ANKFY1: variants seen among roughly 807,000 people sequenced by gnomAD.
ANKFY1 encodes the protein ankyrin repeat and FYVE domain-containing protein 1.
ANKFY1 carries 47 observed loss-of-function variants against 128.3 expected under a neutral mutation model. The observed-to-expected ratio is 0.37, with a 90% CI of 0.29 to 0.47. The LOEUF (loss-of-function observed/expected upper bound fraction) is 0.47. Among genes scored for constraint, ANKFY1 ranks in the 20% least tolerant of loss-of-function variants. The pLI is 1.00. For missense variants in ANKFY1, 1,222 were observed against 1,510.6 expected (o/e 0.81, Z 3.17); for synonymous variants, 553 against 601.6 (o/e 0.92, Z 1.18).
intron 8 of ANKFY1, 33 bp downstream of exon 8, chr17:4,197,340 T>A: frequency 6.2e-7 from 1 of 1,609,170 alleles, no homozygotes; most frequent in Non-Finnish European, 8.5e-7. Context: ...CTGAGAACAG[T>A]GCTAAGGGCA....
chr17:4,169,295 C>A lies in ANKFY1; in HGVS notation c.3287-7G>T. On this transcript the variant is annotated splice_region_variant and splice_polypyrimidine_tract_variant and intron_variant, in intron 23 of 24. Transcript: ENST00000341657. The surrounding 1 kb of genome is among the most constrained non-coding windows in gnomAD (Gnocchi z 5.0). ...GGCTCCTTGGACAGCATATCTGCAA[C>A]ACAGGGGGGAGGCCCGGTCCCGTCA... The A allele has an allele frequency of 2.6e-6, 4 of 1,544,360 alleles. No individual in the cohort carries two copies. The highest frequency in any genetic ancestry group is 1.8e-6 in the Non-Finnish European group (2 of 1,142,258).
chr17:4,243,321 C>T (rs1043606344), intron 1 of ANKFY1, among the ~76,000 whole-genome samples: 5 of 152,080 alleles, frequency 3.3e-5, no homozygotes, highest in African/African-American at 4.8e-5. Context: ...CCACCTCGGC[C>T]TCCCAAAGTG....
Position 4,240,402 on chromosome 17 carries a change from A to ATTTT in ANKFY1, c.203+1850_203+1853dup, listed in dbSNP as rs1555637477. Among the ~76,000 whole-genome samples the ATTTT allele has an allele frequency of 6.4e-4, 95 of 149,554 alleles. 1 individual carries two copies. Among genetic ancestry groups the ATTTT allele is most frequent in the East Asian group, 2.0e-4 (1 of 5,042 alleles). On this transcript the variant is annotated intron_variant, in intron 2 of 24. Coordinates refer to ENST00000341657, the MANE Select transcript of ANKFY1 (RefSeq NM_001330063.2). ...TTAATCTTTATTTATTTATTTATTT[A>ATTTT]TTTTTTTAAGACAGGGTCTCTCTCT...
At chr17:4,217,810 C>T (rs896743329) in intron 3 of ANKFY1, among the ~76,000 whole-genome samples, 7 of 152,008 alleles carry the variant, frequency 4.6e-5, no homozygotes, top group Non-Finnish European at 1.0e-4. Context: ...CTCAGCCTCC[C>T]GAGTAGCTGG....
intron 10 of ANKFY1, among the ~76,000 whole-genome samples, chr17:4,194,103 A>ATATATATATATATTTTT (rs1555627694): frequency 9.2e-6 from 1 of 108,186 alleles, no homozygotes; most frequent in African/African-American, 4.9e-5. Flanking sequence ...ATATATATAT[A>ATATATATATATATTTTT]TTTTTTTTTT....
rs564464680 is a variant in ANKFY1 at position 4,240,651 on chromosome 17, C to G, written c.203+1605G>C. The stretch of plus-strand genomic sequence containing the variant: ...AGGTGATCCATCTGCCTCGGCCTCC[C>G]AAACTGCTGGGATTACAGGCATGCG... On this transcript the variant is annotated intron_variant, in intron 2 of 24. Coordinates refer to ENST00000341657, the MANE Select transcript of ANKFY1 (RefSeq NM_001330063.2). Among the ~76,000 whole-genome samples the G allele has an allele frequency of 3.3e-5, 5 of 152,346 alleles. No individual in the cohort carries two copies. The South Asian group carries it at 1.0e-3, about 32-fold the overall frequency.
chr17:4,196,144 TACACACAC>T (rs35005172), intron 8 of ANKFY1, among the ~76,000 whole-genome samples: 9,164 of 83,780 alleles, frequency 0.11, 551 homozygotes, highest in Admixed American at 0.19. Flanking sequence ...CTGCATCTAC[TACACACAC>T]ACACACACAC....
chr17:4,186,748 C>T, intron 11 of ANKFY1: 1 of 936,720 alleles, frequency 1.1e-6, no homozygotes, highest in Non-Finnish European at 1.3e-6. Flanking sequence ...GTCTTCTGTT[C>T]CAGACCTTCT....
At chr17:4,223,628 A>T (rs1413398925) in intron 3 of ANKFY1, 3 of 1,493,920 alleles carry the variant, frequency 2.0e-6, no homozygotes, top group Non-Finnish European at 2.8e-6. Flanking sequence ...TCTGGGCCAG[A>T]CGCCCTACAT....
intron 13 of ANKFY1, 64 bp downstream of exon 13, chr17:4,183,748 C>A: frequency 6.6e-7 from 1 of 1,521,314 alleles, no homozygotes; most frequent in Non-Finnish European, 9.1e-7. Context: ...TCCCTCTGTC[C>A]CACCCGGCCC....
Position 4,174,076 on chromosome 17 carries a change from G to C in ANKFY1, c.2776-20C>G, listed in dbSNP as rs375166319. 2.2e-5 allele frequency: 36 copies of C among 1,611,758 alleles called. No individual in the cohort carries two copies. Among genetic ancestry groups the C allele is most frequent in the Non-Finnish European group, 2.8e-5 (33 of 1,178,758 alleles). On this transcript the variant is annotated intron_variant, in intron 19 of 24. Transcript: ENST00000341657. The stretch of plus-strand genomic sequence containing the variant: ...AAGAAGCTGTTGAAGTTCATTACAT[G>C]AACAGTCAGTCTCTCTGCCACAATC...
At chr17:4,241,527 G>T (rs1199336964) in intron 2 of ANKFY1, among the ~76,000 whole-genome samples, 24 of 151,646 alleles carry the variant, frequency 1.6e-4, no homozygotes, top group East Asian at 2.0e-4. Flanking sequence ...GCCCACCTCG[G>T]CCTCCCAAAG....
intron 3 of ANKFY1, chr17:4,222,322 G>T: frequency 4.1e-6 from 3 of 735,716 alleles, no homozygotes; most frequent in South Asian, 2.8e-5. Flanking sequence ...TCTTGATGCA[G>T]AACTTTATTA....
chr17:4,196,606 C>A (rs1012018132), intron 8 of ANKFY1, among the ~76,000 whole-genome samples: 17 of 152,096 alleles, frequency 1.1e-4, no homozygotes, highest in African/African-American at 4.1e-4. Flanking sequence ...TGCAAAGGGC[C>A]GTGCTATGGA....
intron 7 of ANKFY1, among the ~76,000 whole-genome samples, chr17:4,200,632 C>T (rs772189960): frequency 4.6e-5 from 7 of 152,182 alleles, no homozygotes; most frequent in Non-Finnish European, 7.3e-5. Context: ...TGAGAGTTGA[C>T]TATACTCCTT....
chr17:4,212,632 C>T (rs1224257740), intron 4 of ANKFY1, among the ~76,000 whole-genome samples: 1 of 152,112 alleles, frequency 6.6e-6, no homozygotes, highest in Non-Finnish European at 1.5e-5. Flanking sequence ...TACTGTTAAC[C>T]ATAACTAGCT....
intron 4 of ANKFY1, among the ~76,000 whole-genome samples, chr17:4,214,585 G>A (rs2060189663): frequency 6.7e-6 from 1 of 150,168 alleles, no homozygotes; most frequent in Non-Finnish European, 1.5e-5. Context: ...GAGCAACAAG[G>A]CTCAATCCAG....
intron 3 of ANKFY1, among the ~76,000 whole-genome samples, chr17:4,226,206 G>A (rs1041019143): frequency 1.3e-5 from 2 of 152,140 alleles, no homozygotes; most frequent in African/African-American, 4.8e-5. Context: ...AATTATAGAT[G>A]TTACCACTCT....
chr17:4,182,108 G>A, intron 15 of ANKFY1, 73 bp downstream of exon 15: 8 of 1,324,052 alleles, frequency 6.0e-6, no homozygotes, highest in Non-Finnish European at 6.9e-6. Context: ...TGACAGCTAC[G>A]CAGGCAGCAG....
Sources: gnomAD v4.1 joint callset for allele counts (sites outside exome capture counted in the v4.1 genomes callset) on GRCh38, gnomAD v4.1.1 for gene constraint, Gnocchi (gnomAD v3.1) non-coding constraint, MANE v1.5 for transcripts, NCBI Gene and HGNC (gene_info 2026-07-23, HGNC 2026-07-21) for gene names.